Variants in CCDC25 observed in about 807,000 individuals in gnomAD.
The protein encoded by CCDC25 is coiled-coil domain-containing protein 25.
CCDC25 carries 16 observed loss-of-function variants against 35.3 expected under a neutral mutation model. That is an observed-to-expected ratio of 0.45 (90% CI 0.31 to 0.69). The LOEUF is 0.69. Ranked by LOEUF, CCDC25 falls within the 30% of genes least tolerant of loss-of-function variation. The probability of loss-of-function intolerance (pLI) is 0.06; values close to 1 mark genes in which losing one functional copy is unlikely to be tolerated. For missense variants in CCDC25, 179 were observed against 250.7 expected, an observed-to-expected ratio of 0.71 and a Z score of 1.93; for synonymous variants, 79 against 80.3, an observed-to-expected ratio of 0.98 and a Z score of 0.09.
In CCDC25 at chr8:27,772,585, T is replaced by C; in HGVS notation, c.-45A>G. On this transcript the variant is annotated 5_prime_UTR_variant, in exon 1 of 9. Coordinates refer to ENST00000356537, the MANE Select transcript of CCDC25 (RefSeq NM_018246.3). ...TGACTCCACCGCGGAGCAGCAGCGC[T>C]CAACTCACGAAGCTCAGGATACCAG... 1.9e-6 allele frequency: 3 copies of C among 1,540,792 alleles called. No homozygotes were observed. Among genetic ancestry groups the C allele is most frequent in the Non-Finnish European group, 2.6e-6 (3 of 1,140,110 alleles).
chr8:27,757,459 T>C (rs1024740854), intron 3 of CCDC25, among the ~76,000 whole-genome samples: 1 of 152,196 alleles, frequency 6.6e-6, no homozygotes, highest in Admixed American at 6.5e-5. Context: ...TACCAATATA[T>C]GTCTCTTGGG....
intron 2 of CCDC25, among the ~76,000 whole-genome samples, chr8:27,763,038 T>C (rs2128945921): frequency 6.6e-6 from 1 of 152,256 alleles, no homozygotes; most frequent in South Asian, 2.1e-4. Context: ...TTAAGAAGGA[T>C]TCTTTTTTTA....
At chr8:27,764,840 T>A (rs1804346183) in intron 2 of CCDC25, among the ~76,000 whole-genome samples, 1 of 152,240 alleles carries the variant, frequency 6.6e-6, no homozygotes, top group Non-Finnish European at 1.5e-5. Flanking sequence ...TGTTACTTCA[T>A]TTTGTCTATA....
chr8:27,751,834 G>C (rs1380678), intron 5 of CCDC25, among the ~76,000 whole-genome samples: 132,979 of 152,198 alleles, frequency 0.87, 58,241 homozygotes, highest in Non-Finnish European at 0.9. Flanking sequence ...ACCAGGTAAT[G>C]ACCAAGCACG....
At chr8:27,748,771 G>A (rs909645673) in intron 5 of CCDC25, among the ~76,000 whole-genome samples, 173 bp from the exon 6 acceptor site, 24 of 152,170 alleles carry the variant, frequency 1.6e-4, no homozygotes, top group African/African-American at 5.6e-4. Flanking sequence ...AAGGCAAATG[G>A]TAAAGCTGAC....
At chr8:27,761,546 C>A (rs746757192) in intron 3 of CCDC25, among the ~76,000 whole-genome samples, 9 of 152,122 alleles carry the variant, frequency 5.9e-5, no homozygotes, top group African/African-American at 1.2e-4. Context: ...GACCCAGGTG[C>A]CTTTATCTTC....
Position 27,733,460 on chromosome 8 carries a change from G to A in CCDC25, c.*2756C>T, listed in dbSNP as rs118005414. ...GCCCACGCTGAACTCACACGTGCCC[G>A]GCAGGAAGGAGCTCTCACGAAGTGC... On this transcript the variant is annotated 3_prime_UTR_variant, in exon 9 of 9. Coordinates refer to ENST00000356537, the MANE Select transcript of CCDC25 (RefSeq NM_018246.3). 4.7e-4 allele frequency: 72 copies of A among 152,326 alleles called. No individual in the cohort carries two copies. In the East Asian group the frequency reaches 0.011, roughly 24 times the overall value. The allele number at this position is 152,326 out of a possible 1,614,324, so 9.4% of individuals were successfully genotyped here. A position where few individuals can be genotyped will look rare whatever the true frequency, so the allele number is the denominator to read the frequency against.
chr8:27,752,775 G>T, intron 4 of CCDC25, 188 bp from the exon 5 acceptor site: 3 of 288,052 alleles, frequency 1.0e-5, no homozygotes, highest in East Asian at 5.4e-5. Context: ...TAAAATAAGA[G>T]AAGGCTGTAA....
rs1803187240 is a variant in CCDC25, at chr8:27,735,448, A to C, written c.*768T>G. On this transcript the variant is annotated 3_prime_UTR_variant, in exon 9 of 9. Coordinates refer to ENST00000356537, the MANE Select transcript of CCDC25 (RefSeq NM_018246.3). ...ACATCTCCCAAATGATCAACAGAGC[A>C]CTCCATCCTATTTTACCCTCAATGC... 6.6e-6 allele frequency: 1 copy of C among 152,110 alleles called. No homozygotes were observed. The highest frequency in any genetic ancestry group is 6.6e-5 in the Admixed American group (1 of 15,260). 9.4% of individuals were successfully genotyped at this position (152,110 alleles called of 1,614,324 possible). A position where few individuals can be genotyped will look rare whatever the true frequency, so the allele number is the denominator to read the frequency against.
In CCDC25 at chr8:27,735,383, C is replaced by T. The variant is rs181213; in HGVS notation, c.*833G>A. On this transcript the variant is annotated 3_prime_UTR_variant, in exon 9 of 9. Transcript: ENST00000356537. ...AAAATCATAATTGCAATATGGACTTCTGCTTCACGCTGCATCCTAAGGCAC... is the reference window on the plus strand; with the variant it reads ...AAAATCATAATTGCAATATGGACTTTTGCTTCACGCTGCATCCTAAGGCAC... The T allele has an allele frequency of 6.6e-6, 1 of 152,232 alleles. No homozygotes were observed. The highest frequency in any genetic ancestry group is 1.5e-5 in the Non-Finnish European group (1 of 68,038). The allele number at this position is 152,232 out of a possible 1,614,324, so 9.4% of individuals were successfully genotyped here.
At chr8:27,772,429 G>A in intron 1 of CCDC25, 84 bp downstream of exon 1, 3 of 1,378,050 alleles carry the variant, frequency 2.2e-6, no homozygotes, top group Non-Finnish European at 3.0e-6. Context: ...TTTAGAGCGA[G>A]GGTCAGGCGC....
At chr8:27,765,628 T>TAAAA (rs35721089) in intron 1 of CCDC25, among the ~76,000 whole-genome samples, 12 of 149,622 alleles carry the variant, frequency 8.0e-5, no homozygotes, top group South Asian at 4.2e-4. Context: ...CTTTAAGAGT[T>TAAAA]AAAAAAAAAA....
In CCDC25 at chr8:27,748,069, C is replaced by CG; in HGVS notation, c.551+7dup. On this transcript the variant is annotated splice_region_variant and intron_variant, in intron 7 of 8. Coordinates refer to ENST00000356537, the MANE Select transcript of CCDC25 (RefSeq NM_018246.3). ...GAGGTCAGTCTCAATGCCACAGCTC[C>CG]GACATACCTAAGTTCATCCATTTCC... is the stretch of plus-strand genomic sequence containing the variant. 1 of 1,610,614 alleles carries CG rather than the reference C, an allele frequency of 6.2e-7. No homozygotes were observed. Among genetic ancestry groups the CG allele is most frequent in the Non-Finnish European group, 8.5e-7 (1 of 1,178,950 alleles).
At chr8:27,769,021 T>G (rs985504919) in intron 1 of CCDC25, among the ~76,000 whole-genome samples, 1 of 152,228 alleles carries the variant, frequency 6.6e-6, no homozygotes, top group Non-Finnish European at 1.5e-5. Flanking sequence ...CAACTTCCTA[T>G]GAAGATTTTC....
rs575093840 is a variant in CCDC25, at chr8:27,737,206, T to C, written c.598-961A>G. Among the ~76,000 whole-genome samples the C allele has an allele frequency of 4.9e-4, 74 of 152,332 alleles. No homozygotes were observed. In the Middle Eastern group the frequency reaches 0.01, roughly 21 times the overall value. ...GAAGCCAAGGTAAAAATGCCTTCGA[T>C]AATTGTACAAAGAACAGACTAATGA... On this transcript the variant is annotated intron_variant, in intron 8 of 8. Transcript: ENST00000356537. This position sits in a 1 kb window ranked among gnomAD's most constrained non-coding sequence, Gnocchi z 4.6.
intron 2 of CCDC25, chr8:27,764,470 G>A (rs1353559510): frequency 5.2e-6 from 2 of 385,318 alleles, no homozygotes; most frequent in Non-Finnish European, 1.0e-5. Context: ...GTAGAGACAG[G>A]GTCTCCCTAT....
intron 3 of CCDC25, among the ~76,000 whole-genome samples, chr8:27,758,501 C>A (rs918406270): frequency 3.3e-5 from 5 of 152,220 alleles, no homozygotes; most frequent in Non-Finnish European, 7.3e-5. Flanking sequence ...TTCACTTACT[C>A]ATTTGCATTC....
intron 2 of CCDC25, 54 bp from the exon 3 acceptor site, chr8:27,762,512 C>A: frequency 6.5e-7 from 1 of 1,531,894 alleles, no homozygotes. Context: ...TGAAGATATG[C>A]CAGGGTTTAT....
rs189339117 is a variant in CCDC25 at position 27,738,457 on chromosome 8, G to T, written c.597+2015C>A. On this transcript the variant is annotated intron_variant, in intron 8 of 8. Coordinates refer to ENST00000356537, the MANE Select transcript of CCDC25 (RefSeq NM_018246.3). ...ATTCATACTTGGAGCTCAGGAACAG[G>T]GGTTGCAAGCAACAGAGGGAGAGTT... is the stretch of plus-strand genomic sequence containing the variant. Among the ~76,000 whole-genome samples the T allele has an allele frequency of 4.0e-4, 61 of 152,120 alleles. No homozygotes were observed. In the East Asian group the frequency reaches 0.012, roughly 29 times the overall value.
Sources: gnomAD v4.1 joint callset for allele counts (sites outside exome capture counted in the v4.1 genomes callset) on GRCh38, gnomAD v4.1.1 for gene constraint, Gnocchi (gnomAD v3.1) non-coding constraint, MANE v1.5 for transcripts, NCBI Gene and HGNC (gene_info 2026-07-23, HGNC 2026-07-21) for gene names.